Variants in RNF121 observed in about 807,000 individuals in gnomAD.
The protein encoded by RNF121 is E3 ubiquitin ligase RNF121.
RNF121 carries 21 observed loss-of-function variants against 46.5 expected under a neutral mutation model. That is an observed-to-expected ratio of 0.45 (90% CI 0.32 to 0.65). The LOEUF (loss-of-function observed/expected upper bound fraction) is 0.65. RNF121 is among the 30% of genes least tolerant of loss of function. The pLI is 0.04. For missense variants in RNF121, 346 were observed against 416.0 expected, an observed-to-expected ratio of 0.83 and a Z score of 1.46; for synonymous variants, 139 against 144.7, an observed-to-expected ratio of 0.96 and a Z score of 0.28.
At chr11:71,939,546 C>G (rs1253005323) in intron 1 of RNF121, 1 of 152,404 alleles carries the variant, frequency 6.6e-6, no homozygotes, top group Non-Finnish European at 1.5e-5. Context: ...ACCATTTTCA[C>G]AGATCATCTT....
At chr11:71,940,885 A>G (rs1037573465) in intron 1 of RNF121, among the ~76,000 whole-genome samples, 2 of 152,256 alleles carry the variant, frequency 1.3e-5, no homozygotes, top group South Asian at 2.1e-4. Flanking sequence ...GTTGAGTTCA[A>G]TAGGTAGTCA....
intron 3 of RNF121, among the ~76,000 whole-genome samples, chr11:71,965,580 A>G (rs74236643): frequency 0.032 from 4,945 of 152,284 alleles, 77 homozygotes; most frequent in East Asian, 0.078. Context: ...CTCAAATAAA[A>G]TTTAATTTAC....
chr11:71,941,065 G>T (rs1235842674), intron 1 of RNF121, among the ~76,000 whole-genome samples: 1 of 152,214 alleles, frequency 6.6e-6, no homozygotes, highest in African/African-American at 2.4e-5. Flanking sequence ...AAAAGCCTGG[G>T]CTGTAGAGAG....
intron 1 of RNF121, among the ~76,000 whole-genome samples, chr11:71,946,132 G>GAA (rs1408570281): frequency 1.3e-5 from 2 of 151,298 alleles, no homozygotes; most frequent in African/African-American, 4.9e-5. Context: ...GAAAAGAAAA[G>GAA]AAAAGAAAAA....
At chr11:71,981,551 A>G (rs1335587441) in intron 3 of RNF121, among the ~76,000 whole-genome samples, 1 of 152,158 alleles carries the variant, frequency 6.6e-6, no homozygotes, top group Non-Finnish European at 1.5e-5. Flanking sequence ...ATCTAGTGAC[A>G]GAAGGGTGGT....
chr11:71,945,007 T>C (rs1953680388), intron 1 of RNF121, among the ~76,000 whole-genome samples: 1 of 152,056 alleles, frequency 6.6e-6, no homozygotes, highest in South Asian at 2.1e-4. Context: ...GTTTTTTTTT[T>C]TGAGACAGGG....
chr11:71,991,183 T>C (rs540796230), intron 6 of RNF121, among the ~76,000 whole-genome samples: 7 of 152,116 alleles, frequency 4.6e-5, no homozygotes, highest in Admixed American at 2.0e-4. Flanking sequence ...AGTATGCCCA[T>C]GTAACAAACC....
At chr11:71,976,610 G>T (rs867075414) in intron 3 of RNF121, among the ~76,000 whole-genome samples, 1 of 151,882 alleles carries the variant, frequency 6.6e-6, no homozygotes, top group African/African-American at 2.4e-5. Context: ...TGCCTGCCTC[G>T]GCCTCCCAAA....
chr11:71,958,937 A>G (rs1161361904), intron 2 of RNF121, among the ~76,000 whole-genome samples: 2 of 152,234 alleles, frequency 1.3e-5, no homozygotes, highest in African/African-American at 4.8e-5. Flanking sequence ...TCTGAGAACA[A>G]GAAACTTATC....
At chr11:71,979,332 C>A (rs1487837676) in intron 3 of RNF121, among the ~76,000 whole-genome samples, 2 of 152,176 alleles carry the variant, frequency 1.3e-5, no homozygotes, top group Non-Finnish European at 2.9e-5. Context: ...GTTTACTGGG[C>A]TTCTACTCCA....
chr11:71,972,150 A>G (rs181658883), intron 3 of RNF121, among the ~76,000 whole-genome samples: 5 of 152,312 alleles, frequency 3.3e-5, no homozygotes, highest in Admixed American at 2.6e-4. Context: ...CACAATGCCA[A>G]TTAATAAAAA....
At chr11:71,983,099 CA>C (rs1216430709) in intron 4 of RNF121, 184 bp downstream of exon 4, 1 of 442,394 alleles carries the variant, frequency 2.3e-6, no homozygotes, top group Admixed American at 4.3e-5. Context: ...TTAAAAACCT[CA>C]AATATTTCTG....
chr11:71,975,912 A>G (rs1012231330), intron 3 of RNF121, among the ~76,000 whole-genome samples: 1 of 152,178 alleles, frequency 6.6e-6, no homozygotes, highest in Admixed American at 6.5e-5. Flanking sequence ...ATATATTCGT[A>G]TTGGAGTGGC....
At chr11:71,969,528 G>T (rs1954373819) in intron 3 of RNF121, among the ~76,000 whole-genome samples, 2 of 152,020 alleles carry the variant, frequency 1.3e-5, no homozygotes, top group African/African-American at 4.8e-5. Context: ...GGCATAAACG[G>T]TATGTTTTAA....
At position 71,969,395 on chromosome 11, in the gene RNF121, AT is replaced by A. The variant is rs558549197; in HGVS notation, c.243+8505del. Among the ~76,000 whole-genome samples, 569 of 152,334 alleles carry A rather than the reference AT, an allele frequency of 3.7e-3. 4 individuals are homozygous for A. Among genetic ancestry groups the A allele is most frequent in the African/African-American group, 0.013 (550 of 41,586 alleles). On this transcript the variant is annotated intron_variant, in intron 3 of 8. Transcript: ENST00000361756. ...AATGGTAAGGATGAAGCTTAGCAGT[AT>A]AATATTGAGTGCAAAAGAAGAGTCC... is the stretch of plus-strand genomic sequence containing the variant.
chr11:71,933,428 T>G (rs1953324457), intron 1 of RNF121, among the ~76,000 whole-genome samples: 1 of 152,236 alleles, frequency 6.6e-6, no homozygotes, highest in Admixed American at 6.5e-5. Context: ...TACCTCTCTT[T>G]GGCCCTGTTT....
At chr11:71,958,697 C>G (rs1478420245) in intron 2 of RNF121, among the ~76,000 whole-genome samples, 3 of 152,126 alleles carry the variant, frequency 2.0e-5, no homozygotes, top group African/African-American at 7.2e-5. Context: ...CAGAGCGAGA[C>G]TCTCTCCAAA....
intron 5 of RNF121, 38 bp downstream of exon 5, chr11:71,987,149 G>A: frequency 1.5e-6 from 2 of 1,326,300 alleles, no homozygotes; most frequent in Non-Finnish European, 2.2e-6. Context: ...TGGAGTTTGG[G>A]GAGGAGTGAC....
At chr11:71,929,145 A>G in intron 1 of RNF121, 21 bp downstream of exon 1, 2 of 1,549,110 alleles carry the variant, frequency 1.3e-6, no homozygotes, top group South Asian at 2.4e-5. Context: ...TTGAGAGACG[A>G]GGAGAGACTC....
Sources: allele counts gnomAD v4.1 joint callset (sites outside exome capture counted in the v4.1 genomes callset), GRCh38; gene constraint gnomAD v4.1.1; transcripts MANE v1.5; gene names NCBI Gene and HGNC (gene_info 2026-07-23, HGNC 2026-07-21).